Variants in CTNNA2 observed in about 807,000 individuals in gnomAD.
The protein encoded by CTNNA2 is catenin alpha-2.
A neutral mutation model predicts 101.0 loss-of-function variants in CTNNA2; 42 were observed. The ratio of observed to expected loss-of-function variants is 0.42; its 90% confidence interval spans 0.32 to 0.54. The LOEUF is 0.54. Among genes scored for constraint, CTNNA2 ranks in the 20% least tolerant of loss-of-function variants. The pLI is 0.14. For missense variants in CTNNA2, 871 were observed against 1,223.1 expected, an observed-to-expected ratio of 0.71 and a Z score of 4.29; for synonymous variants, 450 against 456.4, an observed-to-expected ratio of 0.99 and a Z score of 0.18.
At chr2:79,702,153 G>C (rs926809564) in intron 2 of CTNNA2, among the ~76,000 whole-genome samples, 1 of 151,898 alleles carries the variant, frequency 6.6e-6, no homozygotes, top group Non-Finnish European at 1.5e-5. Context: ...TGAGTGAGTC[G>C]GGGGTTGCAG....
chr2:80,604,258 A>G, intron 16 of CTNNA2, 79 bp downstream of exon 16: 1 of 1,060,614 alleles, frequency 9.4e-7, no homozygotes, highest in African/African-American at 1.6e-5. Flanking sequence ...AGTTTTATGC[A>G]CCCTATAAAA....
chr2:80,634,157 T>A (rs1243287974), intron 18 of CTNNA2, among the ~76,000 whole-genome samples: 1 of 152,146 alleles, frequency 6.6e-6, no homozygotes, highest in Non-Finnish European at 1.5e-5. Flanking sequence ...GGCACTGTTT[T>A]AGATGTTTGG....
At chr2:80,568,267 G>A (rs1340210214) in intron 12 of CTNNA2, among the ~76,000 whole-genome samples, 2 of 152,162 alleles carry the variant, frequency 1.3e-5, no homozygotes, top group Admixed American at 1.3e-4. Context: ...ATGATGGGCA[G>A]AAAAAGAGAG....
intron 7 of CTNNA2, among the ~76,000 whole-genome samples, chr2:80,261,791 T>G (rs1672628339): frequency 6.6e-6 from 1 of 152,182 alleles, no homozygotes; most frequent in African/African-American, 2.4e-5. Flanking sequence ...TTGTAGCCAT[T>G]TATTAGTCTA....
chr2:80,238,504 A>G (rs1709661390), intron 7 of CTNNA2, among the ~76,000 whole-genome samples: 1 of 152,208 alleles, frequency 6.6e-6, no homozygotes, highest in African/African-American at 2.4e-5. Flanking sequence ...GAGGAGAAGT[A>G]CGGAGGATGT....
chr2:79,818,821 T>TTATATATATATA lies in CTNNA2; in HGVS notation c.299-39176_299-39165dup, dbSNP rs372924495. ...ATATACTTCAGGATCCAAAATGCAA[T>TTATATATATATA]TATATATATATATATATATATATAT... On this transcript the variant is annotated intron_variant, in intron 3 of 18. Coordinates refer to ENST00000402739, the MANE Select transcript of CTNNA2 (RefSeq NM_001282597.3). Among the ~76,000 whole-genome samples the TTATATATATATA allele has an allele frequency of 1.2e-3, 91 of 74,230 alleles. 1 individual carries two copies. Among genetic ancestry groups the TTATATATATATA allele is most frequent in the African/African-American group, 6.4e-3 (87 of 13,576 alleles). 48.7% of individuals were successfully genotyped at this position (74,230 alleles called of 152,430 possible).
At chr2:80,180,424 C>T (rs775399294) in intron 7 of CTNNA2, among the ~76,000 whole-genome samples, 4 of 152,222 alleles carry the variant, frequency 2.6e-5, no homozygotes, top group South Asian at 2.1e-4. Context: ...ATTAATTAGA[C>T]AATGCCAGAG....
chr2:79,795,622 T>A (rs978575852), intron 3 of CTNNA2, among the ~76,000 whole-genome samples: 1 of 152,116 alleles, frequency 6.6e-6, no homozygotes, highest in Non-Finnish European at 1.5e-5. Context: ...AAGGACTGTA[T>A]CATGTTTTAT....
chr2:79,802,285 T>C (rs975242816), intron 3 of CTNNA2, among the ~76,000 whole-genome samples: 4 of 152,202 alleles, frequency 2.6e-5, no homozygotes, highest in Non-Finnish European at 5.9e-5. Context: ...ATCCTAAATG[T>C]AAATTATTGT....
At chr2:80,165,593 A>G (rs954831675) in intron 7 of CTNNA2, among the ~76,000 whole-genome samples, 18 of 152,250 alleles carry the variant, frequency 1.2e-4, no homozygotes, top group Non-Finnish European at 2.4e-4. Flanking sequence ...GTAAGTGGGG[A>G]AAACTCCCAT....
chr2:80,214,786 T>C (rs1284630936), intron 7 of CTNNA2, among the ~76,000 whole-genome samples: 1 of 152,226 alleles, frequency 6.6e-6, no homozygotes, highest in East Asian at 1.9e-4. Flanking sequence ...CTGTATTTCC[T>C]GAATTTGAAT....
intron 7 of CTNNA2, among the ~76,000 whole-genome samples, chr2:79,979,639 A>T (rs1691115527): frequency 6.6e-6 from 1 of 152,180 alleles, no homozygotes; most frequent in Admixed American, 6.5e-5. Flanking sequence ...CTAATTACAG[A>T]AAGGATTTGA....
intron 15 of CTNNA2, among the ~76,000 whole-genome samples, chr2:80,597,692 A>ATT (rs770155880): frequency 1.3e-5 from 2 of 152,208 alleles, no homozygotes; most frequent in Non-Finnish European, 2.9e-5. Context: ...AAAAGAAGAC[A>ATT]TTTATGTGGC....
At position 80,253,153 on chromosome 2, in the gene CTNNA2, G is replaced by A. The variant is rs1181980802; in HGVS notation, c.1057-140058G>A. 2.0e-5 allele frequency among the ~76,000 whole-genome samples: 3 copies of A among 152,094 alleles called. 1 individual carries two copies. Among genetic ancestry groups the A allele is most frequent in the Non-Finnish European group, 2.9e-5 (2 of 68,022 alleles). On this transcript the variant is annotated intron_variant, in intron 7 of 18. Coordinates refer to ENST00000402739, the MANE Select transcript of CTNNA2 (RefSeq NM_001282597.3). ...AACAAGTGGAAAAGTACACCAAACT[G>A]GAAGTACAGAGGCCAGGTACCTGGT...
chr2:80,533,509 C>A (rs1341085460), intron 9 of CTNNA2, among the ~76,000 whole-genome samples: 2 of 152,078 alleles, frequency 1.3e-5, no homozygotes, highest in Non-Finnish European at 1.5e-5. Flanking sequence ...ATGTAGGAGA[C>A]CAGGTTTTAG....
chr2:79,827,716 T>C (rs1046256398), intron 3 of CTNNA2, among the ~76,000 whole-genome samples: 1 of 152,180 alleles, frequency 6.6e-6, no homozygotes, highest in Non-Finnish European at 1.5e-5. Context: ...GGCACAAATA[T>C]ATGGTTTTTT....
At chr2:79,240,203 T>C in intron 2 of CTNNA2, among the ~76,000 whole-genome samples, 1 of 151,436 alleles carries the variant, frequency 6.6e-6, no homozygotes, top group Non-Finnish European at 1.5e-5. Context: ...CCACCATGCT[T>C]GGCACAGTTT....
At chr2:80,401,664 G>T (rs944940080) in intron 8 of CTNNA2, among the ~76,000 whole-genome samples, 2 of 151,974 alleles carry the variant, frequency 1.3e-5, no homozygotes, top group Admixed American at 6.5e-5. Context: ...CCCTCAGGTG[G>T]TATATCTGAG....
In CTNNA2 at chr2:80,581,168, AAGAG is replaced by A. The variant is rs546372406; in HGVS notation, c.1894-535_1894-532del. 2.2e-4 allele frequency among the ~76,000 whole-genome samples: 34 copies of A among 152,282 alleles called. 1 individual carries two copies. The East Asian group carries it at 6.6e-3, about 29-fold the overall frequency. ...CTCAATTTACAGAGGAAGTCAAACT[AAGAG>A]AGGTAAGATAGTTTATTTATGAGCA... On this transcript the variant is annotated intron_variant, in intron 13 of 18. Coordinates refer to ENST00000402739, the MANE Select transcript of CTNNA2 (RefSeq NM_001282597.3).
Sources: allele counts gnomAD v4.1 joint callset (sites outside exome capture counted in the v4.1 genomes callset), GRCh38; gene constraint gnomAD v4.1.1; transcripts MANE v1.5; gene names NCBI Gene and HGNC (gene_info 2026-07-23, HGNC 2026-07-21).